ASAP1: variants seen among roughly 807,000 people sequenced by gnomAD.
ASAP1 encodes the protein arf-GAP with SH3 domain, ANK repeat and PH domain-containing protein 1.
ASAP1 carries 43 observed loss-of-function variants against 145.2 expected under a neutral mutation model. The ratio of observed to expected loss-of-function variants is 0.30; its 90% CI spans 0.23 to 0.38. ASAP1 has a LOEUF of 0.38. ASAP1 is among the 10% of genes least tolerant of loss of function. The pLI is 1.00. For synonymous variants in ASAP1, 546 were observed against 515.5 expected, an observed-to-expected ratio of 1.06 and a Z score of -0.80; for missense variants, 1,018 against 1,355.3, an observed-to-expected ratio of 0.75 and a Z score of 3.91.
intron 24 of ASAP1, among the ~76,000 whole-genome samples, chr8:130,105,327 C>T (rs905195306): frequency 2.6e-5 from 4 of 152,130 alleles, no homozygotes; most frequent in Admixed American, 2.6e-4. Context: ...CAGGAGAATG[C>T]GTGTAGGTTA....
chr8:130,339,193 C>G (rs973942004), intron 3 of ASAP1, among the ~76,000 whole-genome samples: 3 of 152,218 alleles, frequency 2.0e-5, no homozygotes, highest in Non-Finnish European at 2.9e-5. Context: ...CAACACTTAA[C>G]CAGTAGCCAC....
At chr8:130,215,987 AAGG>A (rs1272279241) in intron 4 of ASAP1, among the ~76,000 whole-genome samples, 1 of 127,980 alleles carries the variant, frequency 7.8e-6, no homozygotes, top group Non-Finnish European at 1.7e-5. Flanking sequence ...AAGGAAAGGA[AAGG>A]AAAGGAAAGG....
intron 8 of ASAP1, among the ~76,000 whole-genome samples, chr8:130,179,730 G>T (rs1299025294): frequency 6.6e-6 from 1 of 151,922 alleles, no homozygotes; most frequent in Non-Finnish European, 1.5e-5. Context: ...TATACCATAG[G>T]ATATTGAAAC....
intron 27 of ASAP1, among the ~76,000 whole-genome samples, chr8:130,072,927 G>A (rs2135238353): frequency 6.6e-6 from 1 of 150,510 alleles, no homozygotes; most frequent in South Asian, 2.1e-4. Context: ...ACACCCAACT[G>A]GTGTCTGCTG....
intron 3 of ASAP1, among the ~76,000 whole-genome samples, chr8:130,264,758 C>T (rs187212096): frequency 5.3e-5 from 8 of 151,978 alleles, no homozygotes; most frequent in South Asian, 2.1e-4. Context: ...AGAAACATGC[C>T]GGGTGACAGT....
At chr8:130,247,899 G>A (rs1046215291) in intron 3 of ASAP1, among the ~76,000 whole-genome samples, 7 of 152,140 alleles carry the variant, frequency 4.6e-5, no homozygotes, top group Admixed American at 2.0e-4. Flanking sequence ...AAAACTGATC[G>A]CTGGCATGTG....
chr8:130,356,614 T>C (rs901029664), intron 3 of ASAP1, among the ~76,000 whole-genome samples: 1 of 152,158 alleles, frequency 6.6e-6, no homozygotes, highest in East Asian at 1.9e-4. Flanking sequence ...TATTTCTCCA[T>C]TCACTTCACA....
At chr8:130,436,894 G>T (rs1308322892) in intron 1 of ASAP1, among the ~76,000 whole-genome samples, 4 of 151,968 alleles carry the variant, frequency 2.6e-5, no homozygotes, top group Non-Finnish European at 5.9e-5. Context: ...ATTACCTAAG[G>T]TCAGGAGTTC....
At chr8:130,268,582 C>T (rs912434648) in intron 3 of ASAP1, among the ~76,000 whole-genome samples, 16 of 149,776 alleles carry the variant, frequency 1.1e-4, no homozygotes, top group Non-Finnish European at 1.6e-4. Flanking sequence ...AAGAAAAAAA[C>T]GCAAAATTCA....
intron 3 of ASAP1, among the ~76,000 whole-genome samples, chr8:130,277,992 A>G (rs1203708721): frequency 6.6e-6 from 1 of 152,062 alleles, no homozygotes; most frequent in Non-Finnish European, 1.5e-5. Flanking sequence ...AGAAATCCAA[A>G]GTAGTATGGT....
intron 9 of ASAP1, among the ~76,000 whole-genome samples, chr8:130,171,058 T>C (rs1813565951): frequency 6.6e-6 from 1 of 152,202 alleles, no homozygotes. Flanking sequence ...GCACTGCCTA[T>C]AGCGATGCAA....
At chr8:130,392,596 G>T (rs114302452) in intron 2 of ASAP1, among the ~76,000 whole-genome samples, 5,040 of 152,306 alleles carry the variant, frequency 0.033, 105 homozygotes, top group African/African-American at 0.064. Flanking sequence ...TAAGGAAGCT[G>T]AGTGTCTCAG....
intron 3 of ASAP1, among the ~76,000 whole-genome samples, chr8:130,322,916 G>A (rs1824097925): frequency 6.6e-6 from 1 of 152,210 alleles, no homozygotes. Context: ...AAGTCCATGT[G>A]TCGGATGGAA....
At chr8:130,226,256 G>A (rs373890283) in intron 4 of ASAP1, among the ~76,000 whole-genome samples, 24 of 151,938 alleles carry the variant, frequency 1.6e-4, no homozygotes, top group African/African-American at 5.1e-4. Context: ...CCTGTGACCC[G>A]GAAAATAATT....
intron 1 of ASAP1, among the ~76,000 whole-genome samples, chr8:130,431,418 CG>C (rs1267323111): frequency 6.6e-6 from 1 of 152,206 alleles, no homozygotes; most frequent in Non-Finnish European, 1.5e-5. Context: ...CTACCTCAAA[CG>C]TTAGGTTCCA....
intron 5 of ASAP1, among the ~76,000 whole-genome samples, chr8:130,196,372 C>T (rs1815493145): frequency 1.3e-5 from 2 of 151,616 alleles, no homozygotes; most frequent in Admixed American, 1.3e-4. Flanking sequence ...GTAGGTCACA[C>T]TGTACTATCA....
intron 3 of ASAP1, among the ~76,000 whole-genome samples, chr8:130,271,894 T>C (rs1232633366): frequency 6.6e-6 from 1 of 152,138 alleles, no homozygotes; most frequent in African/African-American, 2.4e-5. Flanking sequence ...TTATAATGTA[T>C]AAAATCTTTA....
chr8:130,335,734 G>C (rs1824991379), intron 3 of ASAP1, among the ~76,000 whole-genome samples: 1 of 152,130 alleles, frequency 6.6e-6, no homozygotes, highest in African/African-American at 2.4e-5. Context: ...AGGACTACTG[G>C]GCTCTTTGGT....
intron 5 of ASAP1, among the ~76,000 whole-genome samples, chr8:130,213,060 G>A (rs1816684782): frequency 6.6e-6 from 1 of 152,202 alleles, no homozygotes. Flanking sequence ...AAGGCCTCCA[G>A]TGAAAGTGCA....
Sources: gnomAD v4.1 joint callset for allele counts (sites outside exome capture counted in the v4.1 genomes callset) on GRCh38, gnomAD v4.1.1 for gene constraint, MANE v1.5 for transcripts, NCBI Gene and HGNC (gene_info 2026-07-23, HGNC 2026-07-21) for gene names.